HAPSTR1: variants seen among roughly 807,000 people sequenced by gnomAD.
HAPSTR1 encodes the protein HUWE1 associated protein modifying stress responses.
the HAPSTR1 span, chr16:9,103,416 A>C: frequency 1.3e-6 from 1 of 749,126 alleles, no homozygotes. Context: ...CTAAGAACTT[A>C]ATATGGGCGA....
the HAPSTR1 span, chr16:9,118,654 A>C: frequency 6.6e-6 from 1 of 152,460 alleles, no homozygotes; most frequent in South Asian, 2.1e-4. Context: ...TTTTACCTGA[A>C]ACAGACAAGC....
chr16:9,111,164 C>T, the HAPSTR1 span: 4 of 152,262 alleles, frequency 2.6e-5, no homozygotes, highest in African/African-American at 4.8e-5. Flanking sequence ...CCTTTCTTCT[C>T]TGTGGAAACC....
At chr16:9,118,897 A>G in the HAPSTR1 span, 2 of 152,590 alleles carry the variant, frequency 1.3e-5, no homozygotes, top group Admixed American at 6.6e-5. Flanking sequence ...GTTGGATAAC[A>G]ATTTTTTGGT....
At chr16:9,105,623 T>C in the HAPSTR1 span, 2 of 152,154 alleles carry the variant, frequency 1.3e-5, no homozygotes, top group African/African-American at 4.8e-5. Context: ...ACTGTTAAGG[T>C]GCTCTTTTAA....
chr16:9,109,410 C>T, the HAPSTR1 span: 2 of 152,212 alleles, frequency 1.3e-5, no homozygotes, highest in Non-Finnish European at 2.9e-5. Context: ...CCCACTTTCA[C>T]TCGTAGCATA....
the HAPSTR1 span, chr16:9,119,780 AAAG>A: frequency 6.6e-6 from 1 of 152,382 alleles, no homozygotes; most frequent in East Asian, 1.9e-4. Context: ...GGCTTTTAAA[AAAG>A]AATTAGCTTT....
the HAPSTR1 span, chr16:9,119,929 A>G: frequency 6.6e-6 from 1 of 152,266 alleles, no homozygotes. Flanking sequence ...CATCCAACCC[A>G]GAGGGCTAGT....
At chr16:9,115,754 C>T in the HAPSTR1 span, among the ~76,000 whole-genome samples, 1 of 152,132 alleles carries the variant, frequency 6.6e-6, no homozygotes, top group Non-Finnish European at 1.5e-5. Flanking sequence ...GCTGGGATTA[C>T]AGGCGCCTGC....
the HAPSTR1 span, chr16:9,092,893 T>TTTTTTTTTTTTTTTTG: frequency 2.1e-6 from 1 of 477,098 alleles, no homozygotes; most frequent in Non-Finnish European, 3.1e-6. Context: ...TTCTTTTTGG[T>TTTTTTTTTTTTTTTTG]TTTTTTTTTT....
chr16:9,119,214 T>G, the HAPSTR1 span: 1 of 152,352 alleles, frequency 6.6e-6, no homozygotes, highest in Non-Finnish European at 1.5e-5. Context: ...AGCTCAGCAG[T>G]AGAAGCGTAA....
chr16:9,106,631 T>A, the HAPSTR1 span: 1 of 152,068 alleles, frequency 6.6e-6, no homozygotes, highest in African/African-American at 2.4e-5. Context: ...TTAGCAAGGC[T>A]TAAAGACTAA....
the HAPSTR1 span, chr16:9,104,307 T>A: frequency 6.6e-6 from 1 of 152,140 alleles, no homozygotes; most frequent in Non-Finnish European, 1.5e-5. Context: ...TTCACCGTGT[T>A]GGTCAGGCTG....
chr16:9,094,941 A>G, the HAPSTR1 span, among the ~76,000 whole-genome samples: 4 of 152,226 alleles, frequency 2.6e-5, 1 homozygote, highest in South Asian at 8.3e-4. Flanking sequence ...GTGTAAGAAG[A>G]TGGGTTCAGC....
chr16:9,104,476 C>G, the HAPSTR1 span: 2 of 152,146 alleles, frequency 1.3e-5, no homozygotes, highest in East Asian at 3.8e-4. Flanking sequence ...TGGTAAGGTA[C>G]TAAGAAATAG....
At chr16:9,091,996 G>C in the HAPSTR1 span, 7 of 1,441,058 alleles carry the variant, frequency 4.9e-6, no homozygotes, top group Non-Finnish European at 6.5e-6. Context: ...GGCCCCGCCT[G>C]AGGAGGACGC....
At chr16:9,100,684 C>T in the HAPSTR1 span, among the ~76,000 whole-genome samples, 1 of 152,130 alleles carries the variant, frequency 6.6e-6, no homozygotes, top group Non-Finnish European at 1.5e-5. Flanking sequence ...CAGGTGCCTA[C>T]CACCCATGCC....
chr16:9,095,563 C>A, the HAPSTR1 span, among the ~76,000 whole-genome samples: 1 of 151,922 alleles, frequency 6.6e-6, no homozygotes, highest in African/African-American at 2.4e-5. Context: ...ATTTGGCACT[C>A]CTACCAGCTT....
At chr16:9,093,151 A>C in the HAPSTR1 span, 1 of 795,076 alleles carries the variant, frequency 1.3e-6, no homozygotes. Flanking sequence ...TGCTCTAGCT[A>C]GATCCACCGG....
chr16:9,092,041 G>C, the HAPSTR1 span: 1 of 1,506,472 alleles, frequency 6.6e-7, no homozygotes, highest in Non-Finnish European at 8.9e-7. Context: ...GGAGGCCGCG[G>C]AGGATGGAGG....
Sources: gnomAD v4.1 joint callset for allele counts (sites outside exome capture counted in the v4.1 genomes callset) on GRCh38, gnomAD v4.1.1 for gene constraint, MANE v1.5 for transcripts, NCBI Gene and HGNC (gene_info 2026-07-23, HGNC 2026-07-21) for gene names.